Variants in TENM2 observed in about 807,000 individuals in gnomAD.
TENM2 encodes teneurin-2.
In TENM2, 52 loss-of-function variants were observed where a neutral mutation model predicts 245.2. The ratio of observed to expected loss-of-function variants is 0.21; its 90% confidence interval spans 0.17 to 0.27. The LOEUF (loss-of-function observed/expected upper bound fraction) is 0.27. TENM2 is among the 10% of genes least tolerant of loss of function. The pLI is 1.00. For missense variants in TENM2, 3,046 were observed against 3,666.8 expected (o/e 0.83, Z 4.37); for synonymous variants, 1,363 against 1,438.9 (o/e 0.95, Z 1.19).
the TENM2 span, among the ~76,000 whole-genome samples, chr5:167,028,907 T>C: frequency 1.8e-4 from 27 of 152,262 alleles, no homozygotes; most frequent in African/African-American, 5.8e-4. Flanking sequence ...TTTTCGAACT[T>C]ATTAGATGAG....
intron 28 of TENM2, 110 bp from the exon 31 acceptor site, chr5:168,261,939 A>G (rs1276709957): frequency 9.3e-7 from 1 of 1,069,900 alleles, no homozygotes; most frequent in African/African-American, 1.6e-5. Context: ...ATCTGGATAG[A>G]CCCAACACTA....
chr5:168,101,119 T>G (rs991043314), intron 9 of TENM2, among the ~76,000 whole-genome samples: 1 of 151,972 alleles, frequency 6.6e-6, no homozygotes, highest in African/African-American at 2.4e-5. Flanking sequence ...GGGTCACTGA[T>G]GGAGCAAGGA....
At chr5:167,450,631 T>C (rs997964837) in intron 2 of TENM2, among the ~76,000 whole-genome samples, 1 of 152,214 alleles carries the variant, frequency 6.6e-6, no homozygotes, top group African/African-American at 2.4e-5. Context: ...TTAGTTAATA[T>C]TTAAAAATAA....
At chr5:167,699,440 A>G (rs2150434026) in intron 2 of TENM2, among the ~76,000 whole-genome samples, 1 of 152,266 alleles carries the variant, frequency 6.6e-6, no homozygotes, top group Non-Finnish European at 1.5e-5. Flanking sequence ...ATTTTACCTT[A>G]TTTTTAAGTC....
chr5:168,226,046 T>C (rs929396355), intron 23 of TENM2, 42 bp from the exon 26 acceptor site: 11 of 1,574,782 alleles, frequency 7.0e-6, no homozygotes, highest in Admixed American at 1.7e-5. Context: ...CCCCAATGAC[T>C]GCTGCTAACC....
chr5:167,050,229 TTA>T, the TENM2 span, among the ~76,000 whole-genome samples: 5 of 152,260 alleles, frequency 3.3e-5, no homozygotes, highest in East Asian at 9.7e-4. Context: ...TAAGCTAGAA[TTA>T]CCACCTGAGC....
chr5:167,629,544 T>G lies in TENM2; in HGVS notation c.503-246442T>G, dbSNP rs192312552. Among the ~76,000 whole-genome samples the G allele has an allele frequency of 3.3e-3, 495 of 152,288 alleles. 1 individual carries two copies. The highest frequency in any genetic ancestry group is 0.011 in the African/African-American group (475 of 41,562). The stretch of plus-strand genomic sequence containing the variant: ...TCTGGACCAAAACAGTTGAAATAAT[T>G]CATAGAAAATCCAGGACTGAGCAGG... On this transcript the variant is annotated intron_variant, in intron 2 of 28. Coordinates refer to ENST00000518659, the Ensembl canonical transcript of TENM2.
intron 6 of TENM2, 79 bp from the exon 9 acceptor site, chr5:168,061,980 TG>T: frequency 1.6e-6 from 2 of 1,276,634 alleles, no homozygotes; most frequent in Non-Finnish European, 2.1e-6. Context: ...AAAAAAAACC[TG>T]GCATGTAATT....
chr5:167,078,947 A>G, the TENM2 span, among the ~76,000 whole-genome samples: 1 of 152,132 alleles, frequency 6.6e-6, no homozygotes, highest in South Asian at 2.1e-4. Flanking sequence ...TCACAAACGC[A>G]CAAAATATGA....
chr5:168,019,517 T>G (rs1785954305), intron 5 of TENM2, among the ~76,000 whole-genome samples: 1 of 152,116 alleles, frequency 6.6e-6, no homozygotes, highest in Non-Finnish European at 1.5e-5. Context: ...ATTGACTGAA[T>G]CTGGTGGGAG....
chr5:167,529,773 C>A (rs2127591714), intron 2 of TENM2, among the ~76,000 whole-genome samples: 1 of 152,214 alleles, frequency 6.6e-6, no homozygotes, highest in Admixed American at 6.5e-5. Flanking sequence ...TCTTAAGTTC[C>A]TAAATTCCTC....
At chr5:168,139,471 G>A (rs1223849085) in intron 12 of TENM2, 1 of 456,308 alleles carries the variant, frequency 2.2e-6, no homozygotes, top group African/African-American at 2.0e-5. Context: ...AAAACTTTGA[G>A]CTTTTAAGGT....
chr5:168,195,551 C>CGTGTATGTGTGTGT (rs1411966852), intron 15 of TENM2, among the ~76,000 whole-genome samples: 5 of 98,126 alleles, frequency 5.1e-5, no homozygotes, highest in African/African-American at 7.4e-5. Flanking sequence ...GGTCAATGCA[C>CGTGTATGTGTGTGT]GTGTGTGTGT....
the TENM2 span, among the ~76,000 whole-genome samples, chr5:166,991,372 G>C: frequency 6.8e-6 from 1 of 147,784 alleles, no homozygotes; most frequent in Non-Finnish European, 1.5e-5. Flanking sequence ...TGTGCGTATG[G>C]TTTTTTTTTT....
chr5:167,251,561 G>T, the TENM2 span, among the ~76,000 whole-genome samples: 1 of 152,110 alleles, frequency 6.6e-6, no homozygotes, highest in Admixed American at 6.5e-5. Flanking sequence ...AGGCATTCTT[G>T]CTGCTTTCAG....
At chr5:168,120,235 T>C (rs1795375220) in intron 10 of TENM2, among the ~76,000 whole-genome samples, 1 of 152,218 alleles carries the variant, frequency 6.6e-6, no homozygotes, top group Admixed American at 6.5e-5. Flanking sequence ...TGCTCAGTTC[T>C]CTATATAATT....
intron 2 of TENM2, among the ~76,000 whole-genome samples, chr5:167,388,852 G>A (rs1761596804): frequency 6.6e-6 from 1 of 152,038 alleles, no homozygotes; most frequent in Admixed American, 6.6e-5. Context: ...TTCCACTGTG[G>A]TCTGAAAGAG....
chr5:167,954,752 T>C (rs1488842609), intron 4 of TENM2, among the ~76,000 whole-genome samples: 1 of 152,202 alleles, frequency 6.6e-6, no homozygotes, highest in Non-Finnish European at 1.5e-5. Context: ...TTGCTGAGGA[T>C]GATGGTTTCC....
At chr5:167,365,538 G>T (rs1422181678) in intron 1 of TENM2, among the ~76,000 whole-genome samples, 1 of 151,312 alleles carries the variant, frequency 6.6e-6, no homozygotes, top group African/African-American at 2.4e-5. Flanking sequence ...AAAAAGAAAG[G>T]ATCCCTCATA....
Sources: gnomAD v4.1 joint callset for allele counts (sites outside exome capture counted in the v4.1 genomes callset) on GRCh38, gnomAD v4.1.1 for gene constraint, MANE v1.5 for transcripts, NCBI Gene and HGNC (gene_info 2026-07-23, HGNC 2026-07-21) for gene names.